OGDH: variants seen among roughly 807,000 people sequenced by gnomAD.
The protein encoded by OGDH is oxoglutarate dehydrogenase, also known as 2-oxoglutarate dehydrogenase complex component E1.
OGDH carries 38 observed loss-of-function variants against 116.6 expected under a neutral mutation model. The ratio of observed to expected loss-of-function variants is 0.33; its 90% CI spans 0.25 to 0.43. OGDH has a LOEUF of 0.43. Ranked by LOEUF, OGDH falls within the 20% of genes least tolerant of loss-of-function variation. The pLI is 1.00. For missense variants in OGDH, 825 were observed against 1,357.2 expected (o/e 0.61, Z 6.16); for synonymous variants, 488 against 533.3 (o/e 0.92, Z 1.17).
chr7:44,696,876 A>G lies in OGDH; in HGVS notation c.1901-38A>G, dbSNP rs1788603442. The G allele has an allele frequency of 1.9e-6, 3 of 1,567,338 alleles. No homozygotes were observed. The East Asian group carries it at 7.0e-5, about 36-fold the overall frequency. ...AGAAGCAAGGCAGGCATGTGCAGGCAGGGCCTGCAGCAGCTGGTGAGAGCT... is the reference window on the plus strand; with the variant it reads ...AGAAGCAAGGCAGGCATGTGCAGGCGGGGCCTGCAGCAGCTGGTGAGAGCT... On this transcript the variant is annotated intron_variant, in intron 14 of 22. Transcript: ENST00000222673.
At chr7:44,680,813 G>A (rs1049319141) in intron 9 of OGDH, among the ~76,000 whole-genome samples, 2 of 152,156 alleles carry the variant, frequency 1.3e-5, no homozygotes, top group Admixed American at 6.5e-5. Flanking sequence ...GCAAGGAGGT[G>A]CTCATGAATG....
chr7:44,691,794 A>G (rs1788374240), intron 10 of OGDH, among the ~76,000 whole-genome samples: 1 of 150,848 alleles, frequency 6.6e-6, no homozygotes, highest in Non-Finnish European at 1.5e-5. Context: ...GGCTAACACC[A>G]TGAAACCCCA....
chr7:44,696,589 T>C lies in OGDH; in HGVS notation c.1900+32T>C, dbSNP rs772614737. Reference sequence around the variant, plus strand: ...CGCTCTGTGCTGACCTGTGGAAATGTTGGGGCCCAGGCCAGGGGCGACGAC... The same window carrying C: ...CGCTCTGTGCTGACCTGTGGAAATGCTGGGGCCCAGGCCAGGGGCGACGAC... On this transcript the variant is annotated intron_variant, in intron 14 of 22. Coordinates refer to ENST00000222673, the MANE Select transcript of OGDH (RefSeq NM_002541.4). 8 of 1,613,660 alleles carry C rather than the reference T, an allele frequency of 5.0e-6. No individual in the cohort carries two copies. In the South Asian group the frequency reaches 6.6e-5, roughly 13 times the overall value.
At chr7:44,646,537 G>T (rs1786190621) in intron 3 of OGDH, among the ~76,000 whole-genome samples, 1 of 152,366 alleles carries the variant, frequency 6.6e-6, no homozygotes, top group Admixed American at 6.5e-5. Context: ...TATCCATGTG[G>T]ATATTTGCAT....
chr7:44,658,452 CTTT>C (rs759195013), intron 4 of OGDH, among the ~76,000 whole-genome samples: 1 of 132,674 alleles, frequency 7.5e-6, no homozygotes, highest in African/African-American at 2.8e-5. Flanking sequence ...CATTCTAGGG[CTTT>C]TTTTTTTTTT....
chr7:44,624,479 G>C lies in OGDH; in HGVS notation c.136G>C (p.Ala46Pro). ...QIRCYSAPVA[A>P]EPFLSGTSSN... ...TCGGTGCTATTCTGCACCTGTTGCT[G>C]CTGAGCCCTTTCTCAGTGGGACTAG... The change falls in exon 2 of 23, where the codon GCT (alanine) becomes CCT (proline). Residue 46 changes from alanine (A) to proline (P), a missense_variant. Ala to Pro is a conservative substitution (Grantham distance 27). Coordinates refer to ENST00000222673, the MANE Select transcript of OGDH (RefSeq NM_002541.4). 5.6e-6 allele frequency: 9 copies of C among 1,613,824 alleles called. No individual in the cohort carries two copies. The highest frequency in any genetic ancestry group is 7.6e-6 in the Non-Finnish European group (9 of 1,179,990).
rs545841761 is a variant in OGDH, at chr7:44,666,543, T to C, written c.518-193T>C. 3.4e-5 allele frequency: 12 copies of C among 357,998 alleles called. No individual in the cohort carries two copies. The East Asian group carries it at 4.6e-4, about 14-fold the overall frequency. The allele number at this position is 357,998 out of a possible 1,614,324, so 22.2% of individuals were successfully genotyped here. A position where few individuals can be genotyped will look rare whatever the true frequency, so the allele number is the denominator to read the frequency against. On this transcript the variant is annotated intron_variant, in intron 4 of 22. Transcript: ENST00000222673. ...CATACTCTAATAGCCTCAGCTTCTA[T>C]TTATTGCTAAAGTTTGTGTTTCTGG... is the stretch of plus-strand genomic sequence containing the variant.
In OGDH at chr7:44,611,183, C is replaced by G. The variant is rs532803704; in HGVS notation, c.-28+4530C>G. Among the ~76,000 whole-genome samples, 3 of 151,434 alleles carry G rather than the reference C, an allele frequency of 2.0e-5. 1 individual carries two copies. In the South Asian group the frequency reaches 6.3e-4, roughly 32 times the overall value. ...CTCAACCTCCTGGGCTCAGGTGATC[C>G]GGTGATCCTCACACCTCAGCCTCCT... On this transcript the variant is annotated intron_variant, in intron 1 of 22. Coordinates refer to ENST00000222673, the MANE Select transcript of OGDH (RefSeq NM_002541.4).
intron 1 of OGDH, among the ~76,000 whole-genome samples, chr7:44,609,275 G>C (rs1262543622): frequency 6.7e-6 from 1 of 148,896 alleles, no homozygotes. Flanking sequence ...GGGAGGCTGA[G>C]GCAGGCAGAT....
chr7:44,625,101 G>GT (rs1049202727), intron 2 of OGDH, among the ~76,000 whole-genome samples: 15 of 151,704 alleles, frequency 9.9e-5, no homozygotes, highest in Non-Finnish European at 8.8e-5. Flanking sequence ...GTCATGTCTT[G>GT]TTTTTTTTGG....
Position 44,707,413 on chromosome 7 carries a change from G to A in OGDH, c.2796+25G>A, listed in dbSNP as rs1307752360. ...GGTGAGGGCAGGTGGTGCCATCAGG[G>A]TGTCCCCCCAGCGGGGGTCAGGGCT... On this transcript the variant is annotated intron_variant, in intron 21 of 22. Transcript: ENST00000222673. The surrounding 1 kb of genome is among the most constrained non-coding windows in gnomAD (Gnocchi z 5.2). The A allele has an allele frequency of 6.2e-7, 1 of 1,613,552 alleles. No homozygotes were observed. Among genetic ancestry groups the A allele is most frequent in the Non-Finnish European group, 8.5e-7 (1 of 1,179,662 alleles).
chr7:44,622,139 G>C (rs562451530), intron 1 of OGDH, among the ~76,000 whole-genome samples: 1 of 152,006 alleles, frequency 6.6e-6, no homozygotes, highest in African/African-American at 2.4e-5. Flanking sequence ...GAGGCAATTG[G>C]GTATTTAATA....
chr7:44,632,326 T>TC (rs2115582943), intron 2 of OGDH, among the ~76,000 whole-genome samples: 1 of 152,142 alleles, frequency 6.6e-6, no homozygotes, highest in Non-Finnish European at 1.5e-5. Flanking sequence ...AGACAGGGTC[T>TC]CCATTACCCA....
At chr7:44,664,544 G>A (rs577123439) in intron 4 of OGDH, among the ~76,000 whole-genome samples, 1 of 152,156 alleles carries the variant, frequency 6.6e-6, no homozygotes, top group African/African-American at 2.4e-5. Flanking sequence ...TTAAAGTTTT[G>A]GGGTTGCTGG....
intron 2 of OGDH, among the ~76,000 whole-genome samples, chr7:44,631,091 A>G (rs1785421437): frequency 6.6e-6 from 1 of 152,062 alleles, no homozygotes; most frequent in Non-Finnish European, 1.5e-5. Flanking sequence ...GGGGTTGGGG[A>G]TCCCTGGTTT....
At chr7:44,629,586 T>C (rs1785347573) in intron 2 of OGDH, among the ~76,000 whole-genome samples, 1 of 146,660 alleles carries the variant, frequency 6.8e-6, no homozygotes, top group African/African-American at 2.5e-5. Flanking sequence ...TTTTCTTTTT[T>C]TTTTTTTTTT....
At chr7:44,687,613 T>C (rs1380934872) in intron 10 of OGDH, among the ~76,000 whole-genome samples, 3 of 151,304 alleles carry the variant, frequency 2.0e-5, no homozygotes, top group Non-Finnish European at 4.4e-5. Flanking sequence ...GAGACAGGGT[T>C]TCACTGTGTT....
At position 44,618,964 on chromosome 7, in the gene OGDH, G is replaced by A. The variant is rs562553909; in HGVS notation, c.-27-5353G>A. Among the ~76,000 whole-genome samples the A allele has an allele frequency of 1.4e-4, 22 of 152,136 alleles. No individual in the cohort carries two copies. The South Asian group carries it at 4.6e-3, about 31-fold the overall frequency. On this transcript the variant is annotated intron_variant, in intron 1 of 22. Coordinates refer to ENST00000222673, the MANE Select transcript of OGDH (RefSeq NM_002541.4). Reference sequence around the variant, plus strand: ...GTTGGTATTAGATCATACCCTTTTTGCCTGATCACCTATCTACATGGTTAT... The same window carrying A: ...GTTGGTATTAGATCATACCCTTTTTACCTGATCACCTATCTACATGGTTAT...
rs1286156421 is a variant in OGDH, at chr7:44,697,077, G to A, written c.2051+13G>A. 4 of 1,606,586 alleles carry A rather than the reference G, an allele frequency of 2.5e-6. No homozygotes were observed. The highest frequency in any genetic ancestry group is 3.4e-6 in the Non-Finnish European group (4 of 1,173,800). On this transcript the variant is annotated intron_variant, in intron 15 of 22. Coordinates refer to ENST00000222673, the MANE Select transcript of OGDH (RefSeq NM_002541.4). This position sits in a 1 kb window ranked among gnomAD's most constrained non-coding sequence, Gnocchi z 6.0. Reference sequence around the variant, plus strand: ...GGGGCACATTCAGGTAACGTTCTGGGCAGTTTTGTTTGCCCTCCAAAGAGT... The same window carrying A: ...GGGGCACATTCAGGTAACGTTCTGGACAGTTTTGTTTGCCCTCCAAAGAGT...
Sources: gnomAD v4.1 joint callset for allele counts (sites outside exome capture counted in the v4.1 genomes callset) on GRCh38, gnomAD v4.1.1 for gene constraint, Gnocchi (gnomAD v3.1) non-coding constraint, MANE v1.5 for transcripts, NCBI Gene and HGNC (gene_info 2026-07-23, HGNC 2026-07-21) for gene names.